Variants in ALCAM observed in about 807,000 individuals in gnomAD.
ALCAM encodes the protein CD166 antigen.
In ALCAM, 30 loss-of-function variants were observed where a neutral mutation model predicts 70.9. The observed-to-expected ratio is 0.42, with a 90% CI of 0.32 to 0.57. ALCAM has a LOEUF of 0.57. Among genes scored for constraint, ALCAM ranks in the 20% least tolerant of loss-of-function variants. The pLI is 0.11. For missense variants in ALCAM, 591 were observed against 695.1 expected, an observed-to-expected ratio of 0.85 and a Z score of 1.68; for synonymous variants, 249 against 242.5, an observed-to-expected ratio of 1.03 and a Z score of -0.25.
chr3:105,369,506 T>G (rs1935170168), intron 1 of ALCAM, among the ~76,000 whole-genome samples: 1 of 152,212 alleles, frequency 6.6e-6, no homozygotes, highest in Admixed American at 6.5e-5. Context: ...AAATTCTCAT[T>G]GCAGTATCAG....
chr3:105,453,956 C>A lies in ALCAM; in HGVS notation c.74-66111C>A, dbSNP rs1021020058. 2.6e-5 allele frequency among the ~76,000 whole-genome samples: 4 copies of A among 152,018 alleles called. No homozygotes were observed. In the South Asian group the frequency reaches 6.2e-4, roughly 24 times the overall value. On this transcript the variant is annotated intron_variant, in intron 1 of 15. Coordinates refer to ENST00000306107, the MANE Select transcript of ALCAM (RefSeq NM_001627.4). The stretch of plus-strand genomic sequence containing the variant: ...GAGATACACAAACTAAAATTGTGTC[C>A]TCAGGATACAGCTTCAAATTCTATA...
At chr3:105,439,116 GT>G (rs1402579331) in intron 1 of ALCAM, among the ~76,000 whole-genome samples, 1 of 152,138 alleles carries the variant, frequency 6.6e-6, no homozygotes, top group Non-Finnish European at 1.5e-5. Flanking sequence ...TGGCTTCCTA[GT>G]TGCTAGTAGC....
intron 1 of ALCAM, among the ~76,000 whole-genome samples, chr3:105,431,944 A>C (rs1409531433): frequency 6.6e-6 from 1 of 152,176 alleles, no homozygotes; most frequent in Non-Finnish European, 1.5e-5. Flanking sequence ...ATGCTTTTTA[A>C]CAGAGTATGT....
chr3:105,487,152 T>A (rs370214416), intron 1 of ALCAM, among the ~76,000 whole-genome samples: 4 of 151,744 alleles, frequency 2.6e-5, no homozygotes, highest in Non-Finnish European at 5.9e-5. Flanking sequence ...AACTATTTTT[T>A]AAAAAAACTA....
chr3:105,390,830 A>G (rs1305627529), intron 1 of ALCAM, among the ~76,000 whole-genome samples: 1 of 152,164 alleles, frequency 6.6e-6, no homozygotes, highest in Admixed American at 6.5e-5. Context: ...CAGTTTTCCC[A>G]GCACCATTTA....
intron 1 of ALCAM, among the ~76,000 whole-genome samples, chr3:105,386,314 A>G (rs1375899367): frequency 6.6e-6 from 1 of 151,640 alleles, no homozygotes; most frequent in Non-Finnish European, 1.5e-5. Flanking sequence ...GTGCTTCTAC[A>G]TCTGTTTTGA....
Position 105,367,591 on chromosome 3 carries a change from A to G in ALCAM, c.73+110A>G. The G allele has an allele frequency of 3.1e-6, 4 of 1,284,952 alleles. No homozygotes were observed. The South Asian group carries it at 3.8e-5, about 12-fold the overall frequency. 79.6% of individuals were successfully genotyped at this position (1,284,952 alleles called of 1,614,324 possible). On this transcript the variant is annotated intron_variant, in intron 1 of 15. Coordinates refer to ENST00000306107, the MANE Select transcript of ALCAM (RefSeq NM_001627.4). ...GGCAGTGCGCCCAGGCGCGTGGTGG[A>G]GGTAAGGGGACCGCTGTCCTGGCAC...
Position 105,520,068 on chromosome 3 carries a change from C to A in ALCAM, c.75C>A (p.Gly25=). The A allele has an allele frequency of 6.3e-7, 1 of 1,596,616 alleles. No individual in the cohort carries two copies. Among genetic ancestry groups the A allele is most frequent in the Non-Finnish European group, 8.6e-7 (1 of 1,168,660 alleles). ...LLISATVFRP[G]LGWYTVNSAY... is the part of the protein sequence containing the mutation. ...TTCCTTTTTTTTTTTCCCCCAAAGG[C>A]CTTGGATGGTATACTGTAAATTCAG... Residue 25 remains glycine, a splice_region_variant and synonymous_variant, in exon 2 of 16, where the codon GGC becomes GGA. Transcript: ENST00000306107.
intron 1 of ALCAM, among the ~76,000 whole-genome samples, chr3:105,405,860 T>C (rs577106371): frequency 6.6e-6 from 1 of 152,158 alleles, no homozygotes; most frequent in Admixed American, 6.5e-5. Context: ...AATTGAATGA[T>C]AATAGTGACA....
chr3:105,544,292 T>G (rs1459142700), intron 8 of ALCAM, among the ~76,000 whole-genome samples: 1 of 151,574 alleles, frequency 6.6e-6, no homozygotes, highest in Non-Finnish European at 1.5e-5. Context: ...AAAGTTTTCC[T>G]TACATCTTCC....
intron 1 of ALCAM, among the ~76,000 whole-genome samples, chr3:105,437,469 A>G (rs1401267153): frequency 6.6e-6 from 1 of 152,164 alleles, no homozygotes; most frequent in Non-Finnish European, 1.5e-5. Context: ...CAAAAATGAG[A>G]CTAAAACATT....
chr3:105,414,589 CAAAG>C (rs1221968264), intron 1 of ALCAM, among the ~76,000 whole-genome samples: 2 of 151,988 alleles, frequency 1.3e-5, no homozygotes, highest in Admixed American at 1.3e-4. Context: ...ACAGCATGAA[CAAAG>C]AAAGACTTGG....
chr3:105,481,846 G>A lies in ALCAM; in HGVS notation c.74-38221G>A, dbSNP rs193032496. 8.5e-5 allele frequency among the ~76,000 whole-genome samples: 13 copies of A among 152,058 alleles called. No individual in the cohort carries two copies. In the East Asian group the frequency reaches 2.3e-3, roughly 27 times the overall value. ...AATTTTTTCCTTATAAAATCATAAA[G>A]GTGTTATTTGAGCTATTTGGCCAAT... On this transcript the variant is annotated intron_variant, in intron 1 of 15. Transcript: ENST00000306107.
intron 1 of ALCAM, among the ~76,000 whole-genome samples, chr3:105,425,255 A>C: frequency 6.6e-6 from 1 of 151,902 alleles, no homozygotes; most frequent in Admixed American, 6.6e-5. Context: ...ACTTGAGGTT[A>C]TGCTGTGCCT....
At chr3:105,426,293 T>G (rs1484120774) in intron 1 of ALCAM, among the ~76,000 whole-genome samples, 3 of 151,904 alleles carry the variant, frequency 2.0e-5, no homozygotes, top group African/African-American at 7.2e-5. Flanking sequence ...TTTTTAAGGT[T>G]GTTGGTACCT....
chr3:105,400,603 G>A (rs1187002470), intron 1 of ALCAM, among the ~76,000 whole-genome samples: 1 of 152,120 alleles, frequency 6.6e-6, no homozygotes, highest in Non-Finnish European at 1.5e-5. Context: ...TCAGAGATGA[G>A]TAAAAGACCC....
chr3:105,502,602 C>A (rs1231988900), intron 1 of ALCAM, among the ~76,000 whole-genome samples: 1 of 152,222 alleles, frequency 6.6e-6, no homozygotes, highest in Non-Finnish European at 1.5e-5. Context: ...CCCTTTTGTA[C>A]AGCTGGGAAA....
intron 1 of ALCAM, among the ~76,000 whole-genome samples, chr3:105,452,486 T>C (rs925402100): frequency 6.6e-6 from 1 of 152,234 alleles, no homozygotes; most frequent in Non-Finnish European, 1.5e-5. Flanking sequence ...GATGGGCATT[T>C]GTGTTGGTTT....
At chr3:105,523,852 AG>A (rs1939619675) in intron 2 of ALCAM, among the ~76,000 whole-genome samples, 1 of 152,224 alleles carries the variant, frequency 6.6e-6, no homozygotes, top group African/African-American at 2.4e-5. Flanking sequence ...CATTTAAAAT[AG>A]GTGGATTAAA....
Sources: gnomAD v4.1 joint callset for allele counts (sites outside exome capture counted in the v4.1 genomes callset) on GRCh38, gnomAD v4.1.1 for gene constraint, MANE v1.5 for transcripts, NCBI Gene and HGNC (gene_info 2026-07-23, HGNC 2026-07-21) for gene names.